TENM2: variants seen among roughly 807,000 people sequenced by gnomAD.
TENM2 encodes the protein teneurin-2.
A neutral mutation model predicts 245.2 loss-of-function variants in TENM2; 52 were observed. The ratio of observed to expected loss-of-function variants is 0.21; its 90% CI spans 0.17 to 0.27. The LOEUF (loss-of-function observed/expected upper bound fraction) is 0.27, where lower values mean the gene tolerates loss of function less well. TENM2 is among the 10% of genes least tolerant of loss of function. The pLI, the probability that TENM2 is intolerant of heterozygous loss-of-function variation, is 1.00. For missense variants in TENM2, 3,046 were observed against 3,666.8 expected, an observed-to-expected ratio of 0.83 and a Z score of 4.37; for synonymous variants, 1,363 against 1,438.9, an observed-to-expected ratio of 0.95 and a Z score of 1.19.
At chr5:168,036,968 A>G (rs1370813658) in intron 5 of TENM2, among the ~76,000 whole-genome samples, 5 of 151,916 alleles carry the variant, frequency 3.3e-5, no homozygotes, top group Admixed American at 3.3e-4. Flanking sequence ...TAAGCATATC[A>G]GAGGCTGAGG....
intron 2 of TENM2, among the ~76,000 whole-genome samples, chr5:167,672,912 C>CAA (rs35274077): frequency 7.2e-5 from 8 of 110,878 alleles, no homozygotes; most frequent in Admixed American, 2.6e-4. Flanking sequence ...TCAGGCAAAG[C>CAA]AAAAAAAAAA....
intron 12 of TENM2, among the ~76,000 whole-genome samples, chr5:168,138,378 A>T (rs191521973): frequency 1.2e-4 from 18 of 152,378 alleles, no homozygotes; most frequent in African/African-American, 4.3e-4. Context: ...CTTAAAAATT[A>T]TTAACACCAC....
chr5:167,303,928 C>T (rs184164195), intron 1 of TENM2, among the ~76,000 whole-genome samples: 66 of 152,210 alleles, frequency 4.3e-4, no homozygotes, highest in East Asian at 4.3e-3. Flanking sequence ...TCTCCCAGTT[C>T]CTCAAGAAAA....
At chr5:167,599,448 T>C (rs1270486371) in intron 2 of TENM2, among the ~76,000 whole-genome samples, 2 of 152,204 alleles carry the variant, frequency 1.3e-5, no homozygotes. Context: ...AATTCAAATC[T>C]GATTATATCT....
chr5:166,990,843 G>C, the TENM2 span, among the ~76,000 whole-genome samples: 1 of 152,178 alleles, frequency 6.6e-6, no homozygotes, highest in Non-Finnish European at 1.5e-5. Flanking sequence ...AAAAAGAACA[G>C]ATCTACGCTA....
intron 2 of TENM2, among the ~76,000 whole-genome samples, chr5:167,676,853 T>A (rs887306323): frequency 6.6e-6 from 1 of 152,134 alleles, no homozygotes; most frequent in African/African-American, 2.4e-5. Context: ...GTGATTATAC[T>A]GGGTCTTTCT....
At chr5:167,321,205 A>AT (rs59179909) in intron 1 of TENM2, among the ~76,000 whole-genome samples, 57 of 140,302 alleles carry the variant, frequency 4.1e-4, no homozygotes, top group East Asian at 1.2e-3. Context: ...TCACAAAATT[A>AT]AAAAAAAAAA....
At chr5:168,227,989 T>C (rs1764385756) in exon 25 of TENM2, 3 of 1,613,774 alleles carry the variant, frequency 1.9e-6, no homozygotes, top group African/African-American at 1.3e-5. Context: ...GCGAGCCCCA[T>C]GTCCTAGCGG....
Position 167,477,839 on chromosome 5 carries a change from AGGG to A in TENM2, c.502+102367_502+102369del, listed in dbSNP as rs1468281144. ...TATATTAAGATGGAAGGAGGAAAGGAGGGCAATAGGTGGGAAAGAAGGGAAGAA... is the reference window on the plus strand; with the variant it reads ...TATATTAAGATGGAAGGAGGAAAGGACAATAGGTGGGAAAGAAGGGAAGAA... On this transcript the variant is annotated intron_variant, in intron 2 of 28. Coordinates refer to ENST00000518659, the Ensembl canonical transcript of TENM2. 2.0e-5 allele frequency among the ~76,000 whole-genome samples: 3 copies of A among 152,198 alleles called. No homozygotes were observed. In the East Asian group the frequency reaches 5.8e-4, roughly 29 times the overall value.
At chr5:167,317,697 C>T (rs1010774076) in intron 1 of TENM2, among the ~76,000 whole-genome samples, 2 of 152,150 alleles carry the variant, frequency 1.3e-5, no homozygotes, top group African/African-American at 4.8e-5. Flanking sequence ...AAGCTGAAAC[C>T]ACAGGTAAAA....
intron 2 of TENM2, among the ~76,000 whole-genome samples, chr5:167,601,661 G>C (rs1178279255): frequency 3.3e-5 from 5 of 152,146 alleles, no homozygotes; most frequent in Admixed American, 3.3e-4. Flanking sequence ...TTTATGTCTG[G>C]AATACTGTAC....
intron 2 of TENM2, among the ~76,000 whole-genome samples, chr5:167,759,778 A>G (rs907796192): frequency 2.0e-5 from 3 of 152,100 alleles, no homozygotes; most frequent in African/African-American, 7.2e-5. Context: ...TTGTTGAGAG[A>G]TACAGCCATG....
chr5:167,132,234 A>G, the TENM2 span, among the ~76,000 whole-genome samples: 1 of 152,180 alleles, frequency 6.6e-6, no homozygotes, highest in Non-Finnish European at 1.5e-5. Flanking sequence ...ATAAAATTTT[A>G]TGTATGCGTA....
Position 167,906,720 on chromosome 5 carries a change from G to A in TENM2, c.712+30525G>A, listed in dbSNP as rs184575822. ...TTTTTTATGTAAAGTTGTGCATTGG[G>A]GGGTGTTCAATGTGAATGGTGCCCC... On this transcript the variant is annotated intron_variant, in intron 3 of 28. Transcript: ENST00000518659. Among the ~76,000 whole-genome samples, 41 of 152,214 alleles carry A rather than the reference G, an allele frequency of 2.7e-4. No homozygotes were observed. In the East Asian group the frequency reaches 7.0e-3, roughly 26 times the overall value.
chr5:168,079,255 T>G (rs1425138885), intron 7 of TENM2, among the ~76,000 whole-genome samples: 2 of 149,264 alleles, frequency 1.3e-5, no homozygotes, highest in Middle Eastern at 3.4e-3. Flanking sequence ...GTATAGGAAT[T>G]CTTGTGATTT....
At chr5:167,379,906 A>G (rs1430525427) in intron 2 of TENM2, among the ~76,000 whole-genome samples, 2 of 149,060 alleles carry the variant, frequency 1.3e-5, no homozygotes, top group African/African-American at 5.0e-5. Context: ...ATTTCTTAAA[A>G]ACAAAACAAA....
chr5:167,571,508 C>G (rs925349820), intron 2 of TENM2, among the ~76,000 whole-genome samples: 16 of 152,048 alleles, frequency 1.1e-4, no homozygotes, highest in African/African-American at 3.9e-4. Flanking sequence ...CACCTAGCCC[C>G]CCACCCTACT....
chr5:168,077,384 G>A (rs972657624), intron 7 of TENM2, among the ~76,000 whole-genome samples: 2 of 151,692 alleles, frequency 1.3e-5, no homozygotes, highest in Non-Finnish European at 2.9e-5. Flanking sequence ...ACTGTTCTAG[G>A]CATGGGGGAT....
At chr5:168,180,925 G>T (rs1231041862) in intron 13 of TENM2, among the ~76,000 whole-genome samples, 1 of 146,226 alleles carries the variant, frequency 6.8e-6, no homozygotes, top group African/African-American at 2.5e-5. Flanking sequence ...AAAAAAAAAT[G>T]CAGGTTCCCA....
Sources: gnomAD v4.1 joint callset for allele counts (sites outside exome capture counted in the v4.1 genomes callset) on GRCh38, gnomAD v4.1.1 for gene constraint, MANE v1.5 for transcripts, NCBI Gene and HGNC (gene_info 2026-07-23, HGNC 2026-07-21) for gene names.